Variants in LRP1B observed in about 807,000 individuals in gnomAD.
The protein encoded by LRP1B is low-density lipoprotein receptor-related protein 1B.
Under a neutral mutation model 556.6 loss-of-function variants are expected in LRP1B, and 217 were observed. That is an observed-to-expected ratio of 0.39 (90% CI 0.35 to 0.44). The LOEUF (loss-of-function observed/expected upper bound fraction) is 0.44. Ranked by LOEUF, LRP1B falls within the 20% of genes least tolerant of loss-of-function variation. The pLI, the probability that LRP1B is intolerant of heterozygous loss-of-function variation, is 1.00. For missense variants in LRP1B, 5,053 were observed against 5,620.8 expected, an observed-to-expected ratio of 0.90 and a Z score of 3.23; for synonymous variants, 2,047 against 1,865.8, an observed-to-expected ratio of 1.10 and a Z score of -2.50.
chr2:140,988,163 C>A (rs1696982740), intron 17 of LRP1B, among the ~76,000 whole-genome samples: 1 of 152,108 alleles, frequency 6.6e-6, no homozygotes, highest in African/African-American at 2.4e-5. Context: ...GATCAAGTTT[C>A]CCCTGATCTT....
At chr2:141,581,409 A>AT (rs1193786914) in intron 2 of LRP1B, among the ~76,000 whole-genome samples, 2 of 152,162 alleles carry the variant, frequency 1.3e-5, no homozygotes, top group Admixed American at 6.5e-5. Flanking sequence ...TACATCTTTT[A>AT]TTTTTTTGGT....
chr2:140,748,953 C>T (rs1434129004), intron 35 of LRP1B, among the ~76,000 whole-genome samples: 1 of 149,466 alleles, frequency 6.7e-6, no homozygotes, highest in East Asian at 2.0e-4. Context: ...TATACTTACA[C>T]AAGCCAAGAT....
chr2:140,234,825 G>A lies in LRP1B; in HGVS notation c.13620C>T (p.Ile4540=), dbSNP rs749920263. ...GTCCTTTCAAATCAGAGTTTAGGTA[G>A]ATGGGCGGCGCTGTGTGTGGAAGCT... The part of the protein sequence containing the change: ...AFKLPHTAPP[I]YLNSDLKGPL... The change falls in exon 90 of 91, where the codon ATC becomes ATT. Residue 4540 remains isoleucine (I), a synonymous_variant. Transcript: ENST00000389484. 2.6e-6 allele frequency: 2 copies of A among 775,756 alleles called. No homozygotes were observed. The highest frequency in any genetic ancestry group is 2.7e-5 in the South Asian group (2 of 74,432). 48.1% of individuals were successfully genotyped at this position (775,756 alleles called of 1,614,324 possible).
At chr2:141,319,299 G>GTTTTTGTTTTTTTTTTTTT (rs1687143488) in intron 3 of LRP1B, among the ~76,000 whole-genome samples, 1 of 80,442 alleles carries the variant, frequency 1.2e-5, no homozygotes, top group African/African-American at 5.1e-5. Context: ...AAAAAGCAGT[G>GTTTTTGTTTTTTTTTTTTT]TTTTTTTGTT....
chr2:141,054,068 C>T (rs776406008), intron 10 of LRP1B, among the ~76,000 whole-genome samples: 73 of 151,920 alleles, frequency 4.8e-4, no homozygotes, highest in Non-Finnish European at 9.1e-4. Context: ...TACAAAAATG[C>T]ATACATTTTA....
chr2:140,959,837 T>G (rs1369847525), intron 18 of LRP1B, among the ~76,000 whole-genome samples: 1 of 151,698 alleles, frequency 6.6e-6, no homozygotes, highest in Non-Finnish European at 1.5e-5. Flanking sequence ...ATTTCAAAAA[T>G]GCATCATTAT....
intron 9 of LRP1B, 64 bp from the exon 10 acceptor site, chr2:141,055,323 C>T (rs2105456503): frequency 1.3e-6 from 2 of 1,534,430 alleles, no homozygotes; most frequent in Admixed American, 2.0e-5. Context: ...CTATGTGCAT[C>T]AGTATGTCAA....
chr2:140,869,696 T>C (rs1693065379), intron 25 of LRP1B, among the ~76,000 whole-genome samples: 1 of 151,994 alleles, frequency 6.6e-6, no homozygotes, highest in African/African-American at 2.4e-5. Flanking sequence ...GGACTGGGTG[T>C]AAAAAATGAG....
At chr2:141,545,772 C>T (rs571651243) in intron 2 of LRP1B, among the ~76,000 whole-genome samples, 1 of 152,160 alleles carries the variant, frequency 6.6e-6, no homozygotes, top group Non-Finnish European at 1.5e-5. Flanking sequence ...AGAGATGTGG[C>T]ATTGATGACT....
intron 1 of LRP1B, among the ~76,000 whole-genome samples, chr2:142,005,808 T>C (rs1431520829): frequency 6.6e-6 from 1 of 151,408 alleles, no homozygotes; most frequent in African/African-American, 2.4e-5. Context: ...ATATCCCAAA[T>C]TCAAACCATC....
At chr2:141,008,718 C>T (rs1433894586) in intron 14 of LRP1B, among the ~76,000 whole-genome samples, 1 of 151,756 alleles carries the variant, frequency 6.6e-6, no homozygotes, top group African/African-American at 2.4e-5. Context: ...TATTCTACAC[C>T]TTGCAAATAG....
At chr2:141,183,552 T>C (rs1424163450) in intron 7 of LRP1B, among the ~76,000 whole-genome samples, 5 of 152,032 alleles carry the variant, frequency 3.3e-5, no homozygotes, top group African/African-American at 1.2e-4. Flanking sequence ...CCTGCTCTTG[T>C]ACAGAACAAA....
At chr2:141,727,933 T>C (rs1470026497) in intron 2 of LRP1B, among the ~76,000 whole-genome samples, 1 of 152,118 alleles carries the variant, frequency 6.6e-6, no homozygotes, top group East Asian at 1.9e-4. Context: ...TTGTGTTTTG[T>C]TTTTGTTGTT....
chr2:140,313,450 G>C (rs1305657622), intron 83 of LRP1B, among the ~76,000 whole-genome samples: 3 of 151,810 alleles, frequency 2.0e-5, no homozygotes, highest in Admixed American at 6.6e-5. Flanking sequence ...CAAATTCAAT[G>C]TTTTGTAGAG....
chr2:141,630,366 C>T (rs1050137147), intron 2 of LRP1B, among the ~76,000 whole-genome samples: 9 of 152,230 alleles, frequency 5.9e-5, no homozygotes, highest in Non-Finnish European at 5.9e-5. Context: ...TAAAATCAAA[C>T]TCCCAGACAA....
intron 1 of LRP1B, among the ~76,000 whole-genome samples, chr2:142,119,034 A>G (rs1368809345): frequency 3.3e-5 from 5 of 152,192 alleles, no homozygotes; most frequent in Non-Finnish European, 7.4e-5. Flanking sequence ...CATCTAGCAA[A>G]TATCTACCAA....
intron 42 of LRP1B, among the ~76,000 whole-genome samples, chr2:140,600,457 C>A (rs1433377347): frequency 6.6e-6 from 1 of 152,102 alleles, no homozygotes; most frequent in African/African-American, 2.4e-5. Flanking sequence ...AGATTTACAA[C>A]TATTTTCACA....
chr2:141,915,464 A>C (rs949307046), intron 1 of LRP1B, among the ~76,000 whole-genome samples: 1 of 152,208 alleles, frequency 6.6e-6, no homozygotes, highest in Non-Finnish European at 1.5e-5. Context: ...TTAAAAAATT[A>C]AATGTAAGAC....
At chr2:140,413,704 A>G (rs1330035808) in intron 66 of LRP1B, among the ~76,000 whole-genome samples, 2 of 152,188 alleles carry the variant, frequency 1.3e-5, no homozygotes, top group Non-Finnish European at 1.5e-5. Context: ...ATTTGCAGAA[A>G]TATTTATTCC....
Sources: allele counts gnomAD v4.1 joint callset (sites outside exome capture counted in the v4.1 genomes callset), GRCh38; gene constraint gnomAD v4.1.1; transcripts MANE v1.5; gene names NCBI Gene and HGNC (gene_info 2026-07-23, HGNC 2026-07-21).